Variants in TGFA observed in about 807,000 individuals in gnomAD.
The protein encoded by TGFA is transforming growth factor alpha.
In TGFA, 12 loss-of-function variants were observed where a neutral mutation model predicts 21.7. The observed-to-expected ratio is 0.55, with a 90% CI of 0.35 to 0.90. TGFA has a LOEUF of 0.90. Ranked by LOEUF, TGFA falls within the 40% of genes least tolerant of loss-of-function variation. The pLI is 0.01. For missense variants in TGFA, 178 were observed against 210.8 expected, an observed-to-expected ratio of 0.84 and a Z score of 0.96; for synonymous variants, 79 against 88.1, an observed-to-expected ratio of 0.90 and a Z score of 0.58.
chr2:70,468,307 G>A (rs1670633043), intron 2 of TGFA: 1 of 152,216 alleles, frequency 6.6e-6, no homozygotes, highest in African/African-American at 2.4e-5. Flanking sequence ...GGGGCTGCTG[G>A]ACCCTCCTCT....
chr2:70,514,809 C>T (rs1553501371), intron 2 of TGFA, 50 bp downstream of exon 2: 3 of 1,597,198 alleles, frequency 1.9e-6, no homozygotes, highest in South Asian at 1.1e-5. Flanking sequence ...CAGCAGCAGG[C>T]CCGCTCCCTT....
chr2:70,548,691 T>A (rs1364287224), intron 1 of TGFA, among the ~76,000 whole-genome samples: 1 of 152,228 alleles, frequency 6.6e-6, no homozygotes, highest in Non-Finnish European at 1.5e-5. Flanking sequence ...ATACATTAAA[T>A]TCCATCTCAA....
rs150074771 is a variant in TGFA, at chr2:70,465,729, C to T, written c.102G>A (p.Pro34=). ...GGGACACCACTGCTGCAGCCACGGG[C>T]GGGTCTGCTGGGGAGAGGAAAGATG... is the stretch of plus-strand genomic sequence containing the variant. ...ENSTSPLSAD[P]PVAAAVVSHF... Residue 34 remains proline (P), a synonymous_variant, in exon 3 of 6, where the codon CCG becomes CCA. Transcript: ENST00000295400. 38 of 1,613,892 alleles carry T rather than the reference C, an allele frequency of 2.4e-5. 1 individual carries two copies. Among genetic ancestry groups the T allele is most frequent in the South Asian group, 6.6e-5 (6 of 91,060 alleles).
chr2:70,522,261 G>C (rs1553502424), intron 1 of TGFA, among the ~76,000 whole-genome samples: 2 of 152,152 alleles, frequency 1.3e-5, no homozygotes, highest in African/African-American at 4.8e-5. Flanking sequence ...TGGACTAGGG[G>C]CTGGGTAGTG....
chr2:70,491,613 C>T (rs1553497642), intron 2 of TGFA, among the ~76,000 whole-genome samples: 1 of 152,206 alleles, frequency 6.6e-6, no homozygotes, highest in African/African-American at 2.4e-5. Context: ...CTCCCTCTTA[C>T]CCTGTTCCCA....
At chr2:70,473,577 G>C (rs1330516383) in intron 2 of TGFA, among the ~76,000 whole-genome samples, 1 of 151,900 alleles carries the variant, frequency 6.6e-6, no homozygotes, top group Non-Finnish European at 1.5e-5. Flanking sequence ...ATGAGCAGCG[G>C]ATGTCAGCAG....
At chr2:70,544,841 CAG>C (rs1673243020) in intron 1 of TGFA, among the ~76,000 whole-genome samples, 1 of 152,002 alleles carries the variant, frequency 6.6e-6, no homozygotes, top group African/African-American at 2.4e-5. Flanking sequence ...CTCATGGAGA[CAG>C]AGTCGAATGA....
intron 2 of TGFA, among the ~76,000 whole-genome samples, chr2:70,502,568 C>T (rs1312921770): frequency 6.6e-6 from 1 of 152,172 alleles, no homozygotes; most frequent in East Asian, 1.9e-4. Context: ...TGATCTGCTA[C>T]CTTGGCCTCC....
intron 2 of TGFA, among the ~76,000 whole-genome samples, chr2:70,503,447 A>T (rs1478712664): frequency 4.1e-5 from 6 of 146,424 alleles, no homozygotes; most frequent in African/African-American, 1.5e-4. Flanking sequence ...GGGGGGAGGG[A>T]TAGCATTAGG....
At chr2:70,547,542 C>G (rs1406055947) in intron 1 of TGFA, among the ~76,000 whole-genome samples, 1 of 49,276 alleles carries the variant, frequency 2.0e-5, no homozygotes, top group Non-Finnish European at 5.1e-5. Flanking sequence ...GCCTCCATCT[C>G]AAGAAAAAAA....
chr2:70,465,755 C>G lies in TGFA; in HGVS notation c.95-19G>C, dbSNP rs1553492116. On this transcript the variant is annotated intron_variant, in intron 2 of 5. Transcript: ENST00000295400. The stretch of plus-strand genomic sequence containing the variant: ...GGGTCTGCTGGGGAGAGGAAAGATG[C>G]AGGGCTCAGATCCAGGAACAGCTGA... 6.2e-7 allele frequency: 1 copy of G among 1,612,902 alleles called. No individual in the cohort carries two copies. The highest frequency in any genetic ancestry group is 1.3e-5 in the African/African-American group (1 of 74,888).
chr2:70,499,721 G>A (rs372817240), intron 2 of TGFA, among the ~76,000 whole-genome samples: 23 of 152,226 alleles, frequency 1.5e-4, no homozygotes, highest in East Asian at 9.7e-4. Flanking sequence ...GGGTTCATCC[G>A]TATGCAGAGC....
intron 2 of TGFA, among the ~76,000 whole-genome samples, chr2:70,506,156 T>C (rs1671920907): frequency 6.6e-6 from 1 of 152,046 alleles, no homozygotes; most frequent in African/African-American, 2.4e-5. Flanking sequence ...AGAGAAGACG[T>C]TTGAGGTTTG....
At chr2:70,484,432 G>A (rs990351965) in intron 2 of TGFA, among the ~76,000 whole-genome samples, 8 of 152,066 alleles carry the variant, frequency 5.3e-5, no homozygotes, top group African/African-American at 1.2e-4. Context: ...TTGATATCCC[G>A]ATTATTTTTT....
At chr2:70,514,765 A>T (rs549492923) in intron 2 of TGFA, 94 bp downstream of exon 2, 44 of 1,335,470 alleles carry the variant, frequency 3.3e-5, no homozygotes, top group Non-Finnish European at 4.4e-5. Flanking sequence ...CTCGGTGGGC[A>T]GGAGGCCAGG....
At chr2:70,520,040 A>G (rs1404273503) in intron 1 of TGFA, among the ~76,000 whole-genome samples, 1 of 152,222 alleles carries the variant, frequency 6.6e-6, no homozygotes, top group Admixed American at 6.5e-5. Flanking sequence ...GCAAGGATTA[A>G]GTGAAACAAA....
At chr2:70,451,815 C>T (rs1670069054) in intron 5 of TGFA, 1 of 684,058 alleles carries the variant, frequency 1.5e-6, no homozygotes, top group African/African-American at 1.8e-5. Flanking sequence ...ATCCTCACTC[C>T]CCCACTGATT....
chr2:70,549,963 T>G (rs1430662132), intron 1 of TGFA, among the ~76,000 whole-genome samples: 1 of 152,232 alleles, frequency 6.6e-6, no homozygotes, highest in African/African-American at 2.4e-5. Context: ...TAATTATGGC[T>G]GCCCAATACG....
intron 2 of TGFA, among the ~76,000 whole-genome samples, chr2:70,474,281 GA>G (rs1362300324): frequency 6.6e-6 from 1 of 152,214 alleles, no homozygotes; most frequent in Non-Finnish European, 1.5e-5. Flanking sequence ...CATATAGCTG[GA>G]ATGTAGTAGA....
Sources: allele counts gnomAD v4.1 joint callset (sites outside exome capture counted in the v4.1 genomes callset), GRCh38; gene constraint gnomAD v4.1.1; transcripts MANE v1.5; gene names NCBI Gene and HGNC (gene_info 2026-07-23, HGNC 2026-07-21).